Variants in PSPC1 observed in about 807,000 individuals in gnomAD.
The protein encoded by PSPC1 is paraspeckle protein 1.
A neutral mutation model predicts 51.6 loss-of-function variants in PSPC1; 14 were observed. The observed-to-expected ratio is 0.27, with a 90% CI of 0.18 to 0.42. The LOEUF is 0.42. PSPC1 is among the 10% of genes least tolerant of loss of function. PSPC1 has a pLI of 1.00. For missense variants in PSPC1, 406 were observed against 701.1 expected (o/e 0.58, Z 4.75); for synonymous variants, 193 against 231.9 (o/e 0.83, Z 1.53).
chr13:19,764,477 T>G (rs1438647121), intron 2 of PSPC1, among the ~76,000 whole-genome samples: 4 of 152,048 alleles, frequency 2.6e-5, no homozygotes, highest in Non-Finnish European at 5.9e-5. Context: ...TGGCTGATCT[T>G]TTCTTAGAAC....
At chr13:19,752,462 A>T (rs1222119062) in intron 3 of PSPC1, among the ~76,000 whole-genome samples, 2 of 152,178 alleles carry the variant, frequency 1.3e-5, no homozygotes, top group African/African-American at 4.8e-5. Flanking sequence ...CATATAAAAA[A>T]TATGACTGAT....
chr13:19,736,576 C>G (rs929313622), intron 5 of PSPC1, among the ~76,000 whole-genome samples: 9 of 151,998 alleles, frequency 5.9e-5, no homozygotes, highest in Non-Finnish European at 1.0e-4. Context: ...CTAGCTACTC[C>G]GGAGGCTGAG....
At chr13:19,672,902 C>G (rs1419206799), downstream of PSPC1, 1 of 356,806 alleles carries the variant, frequency 2.8e-6, no homozygotes, top group Non-Finnish European at 5.4e-6. Flanking sequence ...AGTTCAAGAC[C>G]AGCCTGGGTA....
At chr13:19,758,080 C>T (rs1287329290) in intron 3 of PSPC1, among the ~76,000 whole-genome samples, 1 of 151,932 alleles carries the variant, frequency 6.6e-6, no homozygotes, top group South Asian at 2.1e-4. Flanking sequence ...TTTGGGAGGC[C>T]GAGGTGGGTG....
In PSPC1 at chr13:19,782,911, A is replaced by T; in HGVS notation, c.-154T>A. 2.6e-6 allele frequency: 2 copies of T among 758,572 alleles called. No homozygotes were observed. The highest frequency in any genetic ancestry group is 3.7e-5 in the South Asian group (1 of 27,222). The allele number at this position is 758,572 out of a possible 1,614,324, so 47.0% of individuals were successfully genotyped here. A position where few individuals can be genotyped will look rare whatever the true frequency, so the allele number is the denominator to read the frequency against. Reference sequence around the variant, plus strand: ...CGAGTCGGCAACCCGTCCTCCCCCAACTCACGCCCGCTGCAGCTGCACATT... The same window carrying T: ...CGAGTCGGCAACCCGTCCTCCCCCATCTCACGCCCGCTGCAGCTGCACATT... On this transcript the variant is annotated 5_prime_UTR_variant, in exon 1 of 9. It adds an upstream start codon to the 5' untranslated region. Coordinates refer to ENST00000338910, the MANE Select transcript of PSPC1 (RefSeq NM_001354909.2). The surrounding 1 kb of genome is among the most constrained non-coding windows in gnomAD (Gnocchi z 4.5).
intron 6 of PSPC1, among the ~76,000 whole-genome samples, chr13:19,689,462 A>C (rs1358821624): frequency 6.6e-6 from 1 of 152,234 alleles, no homozygotes; most frequent in Non-Finnish European, 1.5e-5. Flanking sequence ...AAAGTACTTA[A>C]GACTATATAT....
At chr13:19,726,868 G>C (rs773055448) in intron 6 of PSPC1, among the ~76,000 whole-genome samples, 17 of 152,302 alleles carry the variant, frequency 1.1e-4, no homozygotes, top group Admixed American at 3.3e-4. Flanking sequence ...ATACAACTGA[G>C]TCAAACTGTT....
At chr13:19,756,963 A>G (rs1887139491) in intron 3 of PSPC1, among the ~76,000 whole-genome samples, 1 of 151,772 alleles carries the variant, frequency 6.6e-6, no homozygotes, top group Non-Finnish European at 1.5e-5. Context: ...CCCCGTCTCT[A>G]CTAAAAATAC....
intron 5 of PSPC1, among the ~76,000 whole-genome samples, chr13:19,740,879 T>C (rs1191056432): frequency 8.4e-6 from 1 of 119,204 alleles, no homozygotes; most frequent in Non-Finnish European, 1.8e-5. Context: ...TCCAGAAATC[T>C]TTTTTTTTTT....
intron 4 of PSPC1, among the ~76,000 whole-genome samples, chr13:19,750,641 T>C (rs896084562): frequency 6.6e-5 from 10 of 152,096 alleles, no homozygotes; most frequent in African/African-American, 1.9e-4. Flanking sequence ...AAATCCTGTA[T>C]GTGCCATGTC....
At chr13:19,775,699 C>G (rs940559290) in intron 1 of PSPC1, among the ~76,000 whole-genome samples, 2 of 152,022 alleles carry the variant, frequency 1.3e-5, no homozygotes, top group Admixed American at 1.3e-4. Context: ...TACTTTCTTA[C>G]CTAATACATC....
chr13:19,718,402 A>G (rs1158716956), intron 6 of PSPC1, among the ~76,000 whole-genome samples: 1 of 152,226 alleles, frequency 6.6e-6, no homozygotes, highest in Non-Finnish European at 1.5e-5. Flanking sequence ...TGCAAATTAC[A>G]TTGACGGAAC....
At chr13:19,742,076 G>A (rs1178080556) in intron 4 of PSPC1, among the ~76,000 whole-genome samples, 1 of 152,088 alleles carries the variant, frequency 6.6e-6, no homozygotes, top group Non-Finnish European at 1.5e-5. Context: ...AGGATGCAAT[G>A]AGTTGAGATT....
chr13:19,677,623 C>T, intron 7 of PSPC1: 1 of 390,390 alleles, frequency 2.6e-6, no homozygotes, highest in Non-Finnish European at 5.0e-6. Context: ...ATCTTCATTA[C>T]AGTCCACAGA....
At chr13:19,671,259 C>A, downstream of PSPC1, 2 of 1,614,026 alleles carry the variant, frequency 1.2e-6, no homozygotes, top group Non-Finnish European at 1.7e-6. Flanking sequence ...ATAAACTCTT[C>A]ATAAGGTTGA....
chr13:19,751,187 A>C lies in PSPC1; in HGVS notation c.967+84T>G, dbSNP rs1886513753. 3 of 1,111,244 alleles carry C rather than the reference A, an allele frequency of 2.7e-6. No individual in the cohort carries two copies. The African/African-American group carries it at 4.8e-5, about 18-fold the overall frequency. 68.8% of individuals were successfully genotyped at this position (1,111,244 alleles called of 1,614,324 possible). On this transcript the variant is annotated intron_variant, in intron 4 of 8. Coordinates refer to ENST00000338910, the MANE Select transcript of PSPC1 (RefSeq NM_001354909.2). ...CTTTACCTCTAAACTCCTAAATGGC[A>C]CTTTACACAGTAGTACATGAATGGT...
chr13:19,732,157 A>G (rs1262131969), intron 5 of PSPC1, among the ~76,000 whole-genome samples: 2 of 152,186 alleles, frequency 1.3e-5, no homozygotes, highest in African/African-American at 2.4e-5. Context: ...AAATGTTCCT[A>G]AGGGATTTCA....
chr13:19,712,347 T>C (rs959512885), intron 6 of PSPC1, among the ~76,000 whole-genome samples: 3 of 152,174 alleles, frequency 2.0e-5, no homozygotes, highest in African/African-American at 7.2e-5. Context: ...CCCTAATACC[T>C]TAACTATTGG....
intron 3 of PSPC1, among the ~76,000 whole-genome samples, chr13:19,758,312 C>CA (rs369838526): frequency 1.1e-3 from 133 of 125,028 alleles, no homozygotes; most frequent in Middle Eastern, 4.2e-3. Flanking sequence ...GACTCCGTCT[C>CA]AAAAAAAAAA....
Sources: gnomAD v4.1 joint callset for allele counts (sites outside exome capture counted in the v4.1 genomes callset) on GRCh38, gnomAD v4.1.1 for gene constraint, Gnocchi (gnomAD v3.1) non-coding constraint, MANE v1.5 for transcripts, NCBI Gene and HGNC (gene_info 2026-07-23, HGNC 2026-07-21) for gene names.